Variants in ATP10A observed in about 807,000 individuals in gnomAD.
ATP10A encodes the protein phospholipid-transporting ATPase VA.
In ATP10A, 111 loss-of-function variants were observed where a neutral mutation model predicts 147.8. The observed-to-expected ratio is 0.75, with a 90% CI of 0.64 to 0.88. The LOEUF (loss-of-function observed/expected upper bound fraction) is 0.88. ATP10A is among the 40% of genes least tolerant of loss of function. The pLI is 0.00. For missense variants in ATP10A, 1,927 were observed against 1,959.0 expected (o/e 0.98, Z 0.31); for synonymous variants, 875 against 841.6 (o/e 1.04, Z -0.69).
At chr15:25,730,984 A>G (rs1902948114) in intron 3 of ATP10A, among the ~76,000 whole-genome samples, 1 of 152,200 alleles carries the variant, frequency 6.6e-6, no homozygotes, top group African/African-American at 2.4e-5. Context: ...CACTGGCAGT[A>G]AAGACATTTT....
At chr15:25,691,094 C>T (rs548670023) in intron 15 of ATP10A, among the ~76,000 whole-genome samples, 2 of 152,148 alleles carry the variant, frequency 1.3e-5, no homozygotes, top group African/African-American at 4.8e-5. Context: ...TTTAGAACTT[C>T]GGATAAATTG....
At chr15:25,850,529 C>T (rs1328334753) in intron 1 of ATP10A, among the ~76,000 whole-genome samples, 1 of 152,222 alleles carries the variant, frequency 6.6e-6, no homozygotes, top group Non-Finnish European at 1.5e-5. Flanking sequence ...GGCCAGCCCA[C>T]AGGCGAGGCG....
At chr15:25,770,885 G>C (rs34402574) in intron 2 of ATP10A, among the ~76,000 whole-genome samples, 5,178 of 152,222 alleles carry the variant, frequency 0.034, 135 homozygotes, top group Non-Finnish European at 0.05. Context: ...CCAGAGATTT[G>C]TTCTTTGTCT....
rs143247377 is a variant in ATP10A, at chr15:25,683,716, T to C, written c.3292-230A>G. The stretch of plus-strand genomic sequence containing the variant: ...TCCCTTAAGAAAGAAGAACTGGCAG[T>C]GGGAATTGGGAATTCCCAGGAGCAG... On this transcript the variant is annotated intron_variant, in intron 16 of 20. Transcript: ENST00000555815. 4.4e-4 allele frequency: 246 copies of C among 556,988 alleles called. 4 individuals carry two copies. The East Asian group carries it at 6.9e-3, about 16-fold the overall frequency. 34.5% of individuals were successfully genotyped at this position (556,988 alleles called of 1,614,324 possible). A position where few individuals can be genotyped will look rare whatever the true frequency, so the allele number is the denominator to read the frequency against.
At chr15:25,830,004 G>A (rs185348256) in intron 1 of ATP10A, among the ~76,000 whole-genome samples, 3 of 152,150 alleles carry the variant, frequency 2.0e-5, no homozygotes, top group African/African-American at 7.2e-5. Context: ...GGTGGAGGCA[G>A]GAGGTGGTTA....
In ATP10A at chr15:25,683,310, G is replaced by A; in HGVS notation, c.3468C>T (p.Leu1156=). ...CCTCCATGTTCTGGCCACTCTTGTAGAGCTGCGGGTTGGTCAGCAGCACAT... is the reference window on the plus strand; with the variant it reads ...CCTCCATGTTCTGGCCACTCTTGTAAAGCTGCGGGTTGGTCAGCAGCACAT... The part of the protein sequence containing the change: ...PANVLLTNPQ[L]YKSGQNMEEY... The change falls in exon 17 of 21, where the codon CTC becomes CTT. Residue 1156 remains leucine, a synonymous_variant. Transcript: ENST00000555815. 6.2e-7 allele frequency: 1 copy of A among 1,614,074 alleles called. No homozygotes were observed. The highest frequency in any genetic ancestry group is 8.5e-7 in the Non-Finnish European group (1 of 1,180,032).
intron 1 of ATP10A, among the ~76,000 whole-genome samples, chr15:25,844,931 T>C (rs190981803): frequency 2.6e-5 from 4 of 152,358 alleles, no homozygotes; most frequent in African/African-American, 7.2e-5. Flanking sequence ...CCAGTCACTG[T>C]GTGCTTCTGA....
At chr15:25,759,967 A>T (rs61994077) in intron 2 of ATP10A, among the ~76,000 whole-genome samples, 1 of 120,238 alleles carries the variant, frequency 8.3e-6, no homozygotes, top group Non-Finnish European at 1.9e-5. Context: ...CTGATCATGT[A>T]ATTTTTTTTT....
At chr15:25,819,992 C>T (rs922522223) in intron 1 of ATP10A, among the ~76,000 whole-genome samples, 2 of 152,078 alleles carry the variant, frequency 1.3e-5, no homozygotes, top group Admixed American at 6.6e-5. Context: ...GTGGTAGATA[C>T]ATTAAAAGCC....
chr15:25,769,925 G>T (rs151144086), intron 2 of ATP10A, among the ~76,000 whole-genome samples: 405 of 152,290 alleles, frequency 2.7e-3, no homozygotes, highest in Non-Finnish European at 3.9e-3. Flanking sequence ...AACAGGACTG[G>T]TGTCCTTAAA....
At chr15:25,823,203 G>A (rs185393858) in intron 1 of ATP10A, among the ~76,000 whole-genome samples, 175 of 152,192 alleles carry the variant, frequency 1.1e-3, no homozygotes, top group Middle Eastern at 0.01. Context: ...GGCTTCAATG[G>A]TATGGCTAAT....
At chr15:25,749,090 A>G (rs943216132) in intron 2 of ATP10A, among the ~76,000 whole-genome samples, 3 of 151,190 alleles carry the variant, frequency 2.0e-5, no homozygotes, top group Admixed American at 6.6e-5. Context: ...AAAAGAATTA[A>G]TACATGAGTT....
chr15:25,708,410 A>C (rs947549264), intron 10 of ATP10A, 110 bp from the exon 11 acceptor site: 4 of 859,188 alleles, frequency 4.7e-6, no homozygotes, highest in Non-Finnish European at 7.4e-6. Context: ...AATAGAGCAC[A>C]AATTTTCATA....
chr15:25,768,912 G>A (rs73364999), intron 2 of ATP10A, among the ~76,000 whole-genome samples: 21,892 of 151,804 alleles, frequency 0.14, 2,023 homozygotes, highest in African/African-American at 0.24. Context: ...AAAACACTAC[G>A]TATTGCTTCC....
chr15:25,744,950 C>A (rs186633023), intron 2 of ATP10A, among the ~76,000 whole-genome samples: 1 of 152,152 alleles, frequency 6.6e-6, no homozygotes, highest in African/African-American at 2.4e-5. Context: ...GATGCAAGAA[C>A]TTTTAAATAG....
At chr15:25,722,014 G>C in intron 6 of ATP10A, 105 bp from the exon 7 acceptor site, 3 of 1,263,822 alleles carry the variant, frequency 2.4e-6, no homozygotes, top group Non-Finnish European at 3.3e-6. Context: ...CAAGAAAGTA[G>C]GGACTATACT....
intron 12 of ATP10A, among the ~76,000 whole-genome samples, chr15:25,707,656 CG>C (rs1901115222): frequency 6.6e-6 from 1 of 152,050 alleles, no homozygotes; most frequent in Non-Finnish European, 1.5e-5. Context: ...CCCTGTTTCC[CG>C]AGGGGAAAAT....
intron 17 of ATP10A, among the ~76,000 whole-genome samples, chr15:25,682,349 TAG>T (rs4039161): frequency 0.58 from 88,589 of 151,760 alleles, 26,778 homozygotes; most frequent in African/African-American, 0.74. Flanking sequence ...TATAGATGAA[TAG>T]AGTCTCTATT....
intron 1 of ATP10A, among the ~76,000 whole-genome samples, chr15:25,840,988 CA>C (rs1424138693): frequency 6.6e-6 from 1 of 152,078 alleles, no homozygotes; most frequent in Non-Finnish European, 1.5e-5. Context: ...AAACAGGATT[CA>C]TTGTTTTGTT....
Sources: allele counts gnomAD v4.1 joint callset (sites outside exome capture counted in the v4.1 genomes callset), GRCh38; gene constraint gnomAD v4.1.1; transcripts MANE v1.5; gene names NCBI Gene and HGNC (gene_info 2026-07-23, HGNC 2026-07-21).